Variants in ARFGEF2 observed in about 807,000 individuals in gnomAD.
ARFGEF2 encodes ARF guanine nucleotide exchange factor 2.
ARFGEF2 carries 74 observed loss-of-function variants against 219.9 expected under a neutral mutation model. The ratio of observed to expected loss-of-function variants is 0.34; its 90% CI spans 0.28 to 0.41. The LOEUF is 0.41. Ranked by LOEUF, ARFGEF2 falls within the 10% of genes least tolerant of loss-of-function variation. The pLI is 1.00. For synonymous variants in ARFGEF2, 733 were observed against 799.2 expected (o/e 0.92, Z 1.40); for missense variants, 1,743 against 2,218.3 (o/e 0.79, Z 4.30).
chr20:48,935,762 G>C (rs2090945682), intron 1 of ARFGEF2, among the ~76,000 whole-genome samples: 1 of 149,392 alleles, frequency 6.7e-6, no homozygotes, highest in African/African-American at 2.5e-5. Flanking sequence ...GCGGCTGGCT[G>C]GGCGGGGGGC....
At chr20:48,946,880 C>T (rs2091032022) in intron 3 of ARFGEF2, among the ~76,000 whole-genome samples, 1 of 151,854 alleles carries the variant, frequency 6.6e-6, no homozygotes, top group South Asian at 2.1e-4. Flanking sequence ...TAGCTCACTG[C>T]AGCCTCAAAC....
Position 49,017,545 on chromosome 20 carries a change from C to A in ARFGEF2, c.4504C>A (p.His1502Asn). 1 of 1,613,884 alleles carries A rather than the reference C, an allele frequency of 6.2e-7. No homozygotes were observed. Among genetic ancestry groups the A allele is most frequent in the Non-Finnish European group, 8.5e-7 (1 of 1,179,978 alleles). ...AATGGAGGAAGATTCATCAGAAAAG[C>A]ATTTGGTAGGATTTGGGGTTTTTCT... is the stretch of plus-strand genomic sequence containing the variant. ...VGMEEDSSEK[H>N]LDVDLDRQSL... The change falls in exon 33 of 39, where the codon CAT (histidine) becomes AAT (asparagine). Residue 1502 changes from histidine (H) to asparagine (N), a missense_variant. By Grantham distance (68) the His-to-Asn change is moderately conservative (BLOSUM62 1). This residue lies in a region of ARFGEF2 where 578 missense variants were observed against 664.0 expected (regional missense o/e 0.87). Coordinates refer to ENST00000371917, the MANE Select transcript of ARFGEF2 (RefSeq NM_006420.3).
At chr20:49,025,600 A>T (rs1234030092) in intron 36 of ARFGEF2, 119 bp downstream of exon 36, 1 of 1,125,770 alleles carries the variant, frequency 8.9e-7, no homozygotes, top group East Asian at 2.5e-5. Context: ...AGATATTTTC[A>T]TGCTTGAGGG....
chr20:48,933,289 G>A (rs765934585), intron 1 of ARFGEF2, among the ~76,000 whole-genome samples: 121 of 152,236 alleles, frequency 7.9e-4, no homozygotes, highest in African/African-American at 2.8e-3. Flanking sequence ...TTCCTGCACC[G>A]TCCTCCTTCT....
At position 49,010,878 on chromosome 20, in the gene ARFGEF2, C is replaced by T. The variant is rs529288647; in HGVS notation, c.3757+474C>T. Among the ~76,000 whole-genome samples, 6 of 152,306 alleles carry T rather than the reference C, an allele frequency of 3.9e-5. No homozygotes were observed. The South Asian group carries it at 8.3e-4, about 21-fold the overall frequency. On this transcript the variant is annotated intron_variant, in intron 27 of 38. Coordinates refer to ENST00000371917, the MANE Select transcript of ARFGEF2 (RefSeq NM_006420.3). ...GAGCAAAAACTTGAGTCACCCAAGG[C>T]GCACGTTCCCAGTTGTGGTGGAAGA...
Position 49,033,172 on chromosome 20 carries a change from A to T in ARFGEF2, c.5331A>T (p.Val1777=), listed in dbSNP as rs1340185097. ...GGATACCAGAAGAGCCATCACAGGT[A>T]CCAGCAGCACTGTCACCAGTGTGGT... ...KIWIPEEPSQ[V]PAALSPVW Residue 1777 remains valine, a synonymous_variant, in exon 39 of 39, where the codon GTA becomes GTT. Transcript: ENST00000371917. The T allele has an allele frequency of 6.2e-7, 1 of 1,614,100 alleles. No homozygotes were observed. The highest frequency in any genetic ancestry group is 8.5e-7 in the Non-Finnish European group (1 of 1,180,038).
At chr20:49,026,687 G>C (rs947676276) in intron 36 of ARFGEF2, among the ~76,000 whole-genome samples, 2 of 151,016 alleles carry the variant, frequency 1.3e-5, no homozygotes, top group African/African-American at 4.9e-5. Flanking sequence ...CCGGGTTCAA[G>C]CAATTCTCAT....
intron 38 of ARFGEF2, among the ~76,000 whole-genome samples, 188 bp from the exon 39 acceptor site, chr20:49,032,835 C>T (rs992268972): frequency 5.3e-5 from 8 of 152,036 alleles, no homozygotes; most frequent in African/African-American, 1.9e-4. Flanking sequence ...TCAAGCGATC[C>T]ACCTGCCTCG....
chr20:49,021,750 G>A (rs1015476540), intron 34 of ARFGEF2, among the ~76,000 whole-genome samples: 4 of 151,482 alleles, frequency 2.6e-5, no homozygotes, highest in Admixed American at 1.3e-4. Flanking sequence ...TTGGGAGGAG[G>A]CAGGAGAATT....
chr20:48,936,416 G>C (rs2090957929), intron 1 of ARFGEF2, among the ~76,000 whole-genome samples: 1 of 151,710 alleles, frequency 6.6e-6, no homozygotes, highest in Admixed American at 6.6e-5. Context: ...TCCCAGACGG[G>C]GTGGCTGCTG....
At position 48,977,861 on chromosome 20, in the gene ARFGEF2, T is replaced by G. The variant is rs573188108; in HGVS notation, c.1958+1662T>G. On this transcript the variant is annotated intron_variant, in intron 14 of 38. Coordinates refer to ENST00000371917, the MANE Select transcript of ARFGEF2 (RefSeq NM_006420.3). ...CTTGTAAATTTGTTTAAGTTCTTTG[T>G]AGATTCTGGATATTAGCCCTTTGTC... Among the ~76,000 whole-genome samples, 6 of 152,348 alleles carry G rather than the reference T, an allele frequency of 3.9e-5. No homozygotes were observed. In the East Asian group the frequency reaches 1.2e-3, roughly 29 times the overall value.
rs2091346416 is a variant in ARFGEF2 at position 48,989,691 on chromosome 20, G to A, written c.2814+7G>A. The stretch of plus-strand genomic sequence containing the variant: ...CTGCATCTTTGGAATGCAGGTAGGT[G>A]TAAGTCAGCAACACTCCAGAGATAC... On this transcript the variant is annotated splice_region_variant and intron_variant, in intron 20 of 38. Coordinates refer to ENST00000371917, the MANE Select transcript of ARFGEF2 (RefSeq NM_006420.3). The A allele has an allele frequency of 6.2e-7, 1 of 1,614,108 alleles. No homozygotes were observed. The highest frequency in any genetic ancestry group is 1.6e-4 in the Middle Eastern group (1 of 6,062).
intron 25 of ARFGEF2, among the ~76,000 whole-genome samples, chr20:48,999,672 G>A (rs991903375): frequency 1.3e-4 from 19 of 151,692 alleles, no homozygotes; most frequent in South Asian, 8.4e-4. Flanking sequence ...GCGTGAACCC[G>A]GGAGGCAGAG....
At chr20:48,930,798 G>A (rs2090908530) in intron 1 of ARFGEF2, among the ~76,000 whole-genome samples, 1 of 152,218 alleles carries the variant, frequency 6.6e-6, no homozygotes, top group Admixed American at 6.5e-5. Flanking sequence ...GTGGGAATGG[G>A]AAGCCTGGTG....
At chr20:48,953,982 G>A (rs1363135884) in intron 6 of ARFGEF2, among the ~76,000 whole-genome samples, 192 bp downstream of exon 6, 2 of 152,222 alleles carry the variant, frequency 1.3e-5, no homozygotes, top group African/African-American at 2.4e-5. Context: ...CCCGTTGTCA[G>A]CTGTGCTGTT....
At position 49,035,376 on chromosome 20, in the gene ARFGEF2, T is replaced by G. The variant is rs2091660792; in HGVS notation, c.*2177T>G. 6.6e-6 allele frequency: 1 copy of G among 152,216 alleles called. No homozygotes were observed. The highest frequency in any genetic ancestry group is 1.5e-5 in the Non-Finnish European group (1 of 68,038). The allele number at this position is 152,216 out of a possible 1,614,324, so 9.4% of individuals were successfully genotyped here. On this transcript the variant is annotated 3_prime_UTR_variant, in exon 39 of 39. Coordinates refer to ENST00000371917, the MANE Select transcript of ARFGEF2 (RefSeq NM_006420.3). Reference sequence around the variant, plus strand: ...TTATTAGTTTAGTATTTTAAAAGATTTAATTTTCTGAATGAGGCATTTGAA... The same window carrying G: ...TTATTAGTTTAGTATTTTAAAAGATGTAATTTTCTGAATGAGGCATTTGAA...
chr20:48,999,207 C>G (rs1052699911), intron 25 of ARFGEF2: 3 of 440,820 alleles, frequency 6.8e-6, no homozygotes, highest in African/African-American at 6.1e-5. Context: ...CACTGCACCC[C>G]AGCCTGGGTA....
intron 26 of ARFGEF2, among the ~76,000 whole-genome samples, chr20:49,007,569 G>A (rs1273619300): frequency 2.7e-5 from 4 of 147,718 alleles, no homozygotes; most frequent in African/African-American, 1.0e-4. Flanking sequence ...GATTACAGGC[G>A]TGAGCCGCCA....
At position 48,963,175 on chromosome 20, in the gene ARFGEF2, C is replaced by CAAAAAAAAAAAA. The variant is rs71337478; in HGVS notation, c.839-652_839-641dup. ...TGGGCAAGACAGCAAAACTCTGTCT[C>CAAAAAAAAAAAA]AAAAAAAAAAAAAAGTAATGTTTAC... is the stretch of plus-strand genomic sequence containing the variant. On this transcript the variant is annotated intron_variant, in intron 6 of 38. Coordinates refer to ENST00000371917, the MANE Select transcript of ARFGEF2 (RefSeq NM_006420.3). Among the ~76,000 whole-genome samples, 25 of 110,814 alleles carry CAAAAAAAAAAAA rather than the reference C, an allele frequency of 2.3e-4. 3 individuals carry two copies. The highest frequency in any genetic ancestry group is 1.0e-3 in the African/African-American group (25 of 24,048). 72.7% of individuals were successfully genotyped at this position (110,814 alleles called of 152,430 possible).
Sources: gnomAD v4.1 joint callset for allele counts (sites outside exome capture counted in the v4.1 genomes callset) on GRCh38, gnomAD v4.1.1 for gene constraint, gnomAD v4.1.1 regional missense constraint, MANE v1.5 for transcripts, NCBI Gene and HGNC (gene_info 2026-07-23, HGNC 2026-07-21) for gene names.